Variants in COG6 observed in about 807,000 individuals in gnomAD.
The protein encoded by COG6 is component of oligomeric golgi complex 6, also known as conserved oligomeric Golgi complex subunit 6.
A neutral mutation model predicts 88.8 loss-of-function variants in COG6; 74 were observed. The ratio of observed to expected loss-of-function variants is 0.83; its 90% CI spans 0.69 to 1.01. The LOEUF (loss-of-function observed/expected upper bound fraction) is 1.01, where lower values mean the gene tolerates loss of function less well. Among genes scored for constraint, COG6 ranks in the 50% least tolerant of loss-of-function variants. The pLI, the probability that COG6 is intolerant of heterozygous loss-of-function variation, is 0.00. For synonymous variants in COG6, 286 were observed against 278.7 expected (o/e 1.03, Z -0.26); for missense variants, 800 against 797.9 (o/e 1.00, Z -0.03).
intron 2 of COG6, 47 bp from the exon 3 acceptor site, chr13:39,660,763 C>A: frequency 8.2e-7 from 1 of 1,213,122 alleles, no homozygotes; most frequent in Non-Finnish European, 1.2e-6. Context: ...AGAGAATCTT[C>A]TTCTTGCTGT....
At chr13:39,700,024 A>T (rs936997803) in intron 13 of COG6, among the ~76,000 whole-genome samples, 1 of 151,864 alleles carries the variant, frequency 6.6e-6, no homozygotes, top group Admixed American at 6.6e-5. Flanking sequence ...TATGAAATGT[A>T]TGCTCCTCTG....
intron 13 of COG6, among the ~76,000 whole-genome samples, chr13:39,701,978 G>C (rs991718510): frequency 2.0e-5 from 3 of 151,980 alleles, no homozygotes; most frequent in Non-Finnish European, 4.4e-5. Context: ...CTTCTAGCAA[G>C]TCTAATCAAG....
intron 1 of COG6, among the ~76,000 whole-genome samples, chr13:39,656,568 G>C (rs9548869): frequency 6.6e-6 from 1 of 151,452 alleles, no homozygotes; most frequent in African/African-American, 2.4e-5. Context: ...TGTCTCTGTG[G>C]GTCGCTAGGT....
downstream of COG6, among the ~76,000 whole-genome samples, chr13:39,756,640 C>G (rs893788186): frequency 6.6e-6 from 1 of 151,886 alleles, no homozygotes; most frequent in African/African-American, 2.4e-5. Flanking sequence ...AGAGGTAATT[C>G]ATCACGTACA....
exon 19 of COG6, chr13:39,791,160 G>A (rs1246251010): frequency 6.6e-6 from 1 of 151,990 alleles, no homozygotes; most frequent in Admixed American, 6.6e-5. Flanking sequence ...CAAACAGACA[G>A]ACACCCACTT....
At chr13:39,711,862 CTTTG>C (rs1170933783) in intron 13 of COG6, among the ~76,000 whole-genome samples, 1 of 151,944 alleles carries the variant, frequency 6.6e-6, no homozygotes, top group Non-Finnish European at 1.5e-5. Context: ...ACAGTTTTGT[CTTTG>C]TTTTTGTTTT....
At chr13:39,659,530 G>A (rs1422395755) in intron 2 of COG6, 23 bp downstream of exon 2, 1 of 1,603,152 alleles carries the variant, frequency 6.2e-7, no homozygotes, top group Non-Finnish European at 8.5e-7. Context: ...TTTTCATTTA[G>A]CATATATTGA....
chr13:39,659,560 G>T, intron 2 of COG6, 53 bp downstream of exon 2: 1 of 1,469,116 alleles, frequency 6.8e-7, no homozygotes. Flanking sequence ...ATTACGCCTG[G>T]CTCTGTGCTA....
At chr13:39,690,128 A>G (rs1223256018) in intron 11 of COG6, among the ~76,000 whole-genome samples, 1 of 152,040 alleles carries the variant, frequency 6.6e-6, no homozygotes, top group Admixed American at 6.6e-5. Context: ...CGAATCTATG[A>G]ACTCTTAACA....
chr13:39,690,058 A>G (rs1876895043), intron 11 of COG6, among the ~76,000 whole-genome samples: 1 of 150,194 alleles, frequency 6.7e-6, no homozygotes, highest in South Asian at 2.1e-4. Flanking sequence ...TTTACAGATT[A>G]TATTTCCTGT....
At chr13:39,694,955 G>GCACACACA (rs5803006) in intron 12 of COG6, among the ~76,000 whole-genome samples, 43 of 142,638 alleles carry the variant, frequency 3.0e-4, no homozygotes, top group African/African-American at 6.0e-4. Context: ...TTAACTACAC[G>GCACACACA]CACACACACA....
chr13:39,662,639 T>C (rs893943141), intron 3 of COG6, among the ~76,000 whole-genome samples: 1 of 152,220 alleles, frequency 6.6e-6, no homozygotes, highest in Admixed American at 6.5e-5. Flanking sequence ...AGAACATTTT[T>C]ATCACATATA....
At chr13:39,725,868 C>A (rs942283000) in intron 17 of COG6, among the ~76,000 whole-genome samples, 1 of 151,820 alleles carries the variant, frequency 6.6e-6, no homozygotes, top group African/African-American at 2.4e-5. Context: ...ATTTACCCCC[C>A]AAAAATGAAG....
intron 18 of COG6, among the ~76,000 whole-genome samples, chr13:39,760,013 C>G (rs1176684005): frequency 6.6e-6 from 1 of 152,154 alleles, no homozygotes; most frequent in East Asian, 1.9e-4. Context: ...TATAACTTTA[C>G]TACCAGGAAA....
Position 39,655,716 on chromosome 13 carries a change from C to G in COG6, c.-11C>G. ...GCTGAGGTGGCAGCAGGGGGCGGGACGCGCAGCGCTATGGCAGAGGGCAGC... is the reference window on the plus strand; with the variant it reads ...GCTGAGGTGGCAGCAGGGGGCGGGAGGCGCAGCGCTATGGCAGAGGGCAGC... On this transcript the variant is annotated 5_prime_UTR_variant, in exon 1 of 19. Transcript: ENST00000455146. The G allele has an allele frequency of 6.3e-7, 1 of 1,586,196 alleles. No individual in the cohort carries two copies. The highest frequency in any genetic ancestry group is 8.6e-7 in the Non-Finnish European group (1 of 1,165,378).
At chr13:39,774,581 C>A (rs1368190783) in intron 18 of COG6, among the ~76,000 whole-genome samples, 1 of 145,560 alleles carries the variant, frequency 6.9e-6, no homozygotes, top group African/African-American at 2.5e-5. Flanking sequence ...TTTCTTTTTT[C>A]TTTTTTTTTT....
chr13:39,693,897 G>A (rs1393191318), intron 11 of COG6, among the ~76,000 whole-genome samples: 2 of 152,020 alleles, frequency 1.3e-5, no homozygotes, highest in East Asian at 1.9e-4. Flanking sequence ...TACTGTATTT[G>A]TATTAGAAAC....
chr13:39,657,024 T>C, intron 1 of COG6: 1 of 361,032 alleles, frequency 2.8e-6, no homozygotes, highest in South Asian at 2.3e-5. Flanking sequence ...CTTGCTCTGA[T>C]ATAGATAACA....
chr13:39,719,181 C>T, intron 13 of COG6, 55 bp from the exon 14 acceptor site: 1 of 1,553,764 alleles, frequency 6.4e-7, no homozygotes, highest in East Asian at 2.3e-5. Flanking sequence ...TACATTTATA[C>T]ATTAAAATTT....
Sources: allele counts gnomAD v4.1 joint callset (sites outside exome capture counted in the v4.1 genomes callset), GRCh38; gene constraint gnomAD v4.1.1; transcripts MANE v1.5; gene names NCBI Gene and HGNC (gene_info 2026-07-23, HGNC 2026-07-21).